Variants in NDUFB4 observed in about 807,000 individuals in gnomAD.
NDUFB4 encodes NADH dehydrogenase [ubiquinone] 1 beta subcomplex subunit 4.
A neutral mutation model predicts 14.5 loss-of-function variants in NDUFB4; 10 were observed. That is an observed-to-expected ratio of 0.69 (90% CI 0.43 to 1.17). The LOEUF is 1.17. NDUFB4 is among the 50% of genes most tolerant of loss of function. The pLI is 0.00. For synonymous variants in NDUFB4, 65 were observed against 63.4 expected, an observed-to-expected ratio of 1.03 and a Z score of -0.12; for missense variants, 165 against 161.1, an observed-to-expected ratio of 1.02 and a Z score of -0.13.
At chr3:120,596,768 C>A in intron 1 of NDUFB4, 1 of 547,826 alleles carries the variant, frequency 1.8e-6, no homozygotes. Flanking sequence ...CACTTCCTGC[C>A]TGCGTGACCT....
In NDUFB4 at chr3:120,602,298, C is replaced by T; in HGVS notation, c.*28C>T. On this transcript the variant is annotated 3_prime_UTR_variant, in exon 3 of 3. Coordinates refer to ENST00000184266, the MANE Select transcript of NDUFB4 (RefSeq NM_004547.6). ...CTGGCAATGATGACTATATGTATTC[C>T]TGCCTAAATAAATCATCTATTAATC... 1 of 1,542,190 alleles carries T rather than the reference C, an allele frequency of 6.5e-7. No individual in the cohort carries two copies. The highest frequency in any genetic ancestry group is 8.9e-7 in the Non-Finnish European group (1 of 1,128,596).
At chr3:120,601,512 G>A in intron 2 of NDUFB4, 1 of 1,338,902 alleles carries the variant, frequency 7.5e-7, no homozygotes, top group South Asian at 2.0e-5. Flanking sequence ...TTAAGTATTA[G>A]CAGAATACAT....
rs766200127 is a variant in NDUFB4, at chr3:120,601,155, T to C, written c.225T>C (p.Asn75=). ...GTTGGGCCTATGCAAGAACAATAAA[T>C]GTCTATCCTAATTTCAGACCCACTC... The part of the protein sequence containing the change: ...LLRWAYARTI[N]VYPNFRPTPK... Residue 75 remains asparagine (N), a synonymous_variant, in exon 2 of 3, where the codon AAT becomes AAC. Coordinates refer to ENST00000184266, the MANE Select transcript of NDUFB4 (RefSeq NM_004547.6). The C allele has an allele frequency of 1.9e-6, 3 of 1,614,046 alleles. No individual in the cohort carries two copies. Among genetic ancestry groups the C allele is most frequent in the Non-Finnish European group, 2.5e-6 (3 of 1,179,998 alleles).
At chr3:120,598,065 T>TTTTTTTTA (rs1939995860) in intron 1 of NDUFB4, among the ~76,000 whole-genome samples, 1 of 151,006 alleles carries the variant, frequency 6.6e-6, no homozygotes. Flanking sequence ...TTTTTTTTTT[T>TTTTTTTTA]CCCTTGAGAC....
Position 120,596,377 on chromosome 3 carries a change from T to C in NDUFB4, c.18T>C (p.Tyr6=). 2 of 1,614,176 alleles carry C rather than the reference T, an allele frequency of 1.2e-6. No homozygotes were observed. The highest frequency in any genetic ancestry group is 1.6e-4 in the Middle Eastern group (1 of 6,062). MSFPK[Y]KPSSLRTLPE... Reference sequence around the variant, plus strand: ...TCGCCAAGATGTCGTTCCCAAAGTATAAGCCGTCGAGCCTGCGCACTCTGC... The same window carrying C: ...TCGCCAAGATGTCGTTCCCAAAGTACAAGCCGTCGAGCCTGCGCACTCTGC... The change falls in exon 1 of 3, where the codon TAT becomes TAC. Residue 6 remains tyrosine, a synonymous_variant. Coordinates refer to ENST00000184266, the MANE Select transcript of NDUFB4 (RefSeq NM_004547.6).
intron 1 of NDUFB4, 121 bp from the exon 2 acceptor site, chr3:120,600,990 A>G: frequency 1.3e-6 from 1 of 786,880 alleles, no homozygotes; most frequent in Non-Finnish European, 2.1e-6. Context: ...TATTCATGAT[A>G]TACCCTTAAC....
At chr3:120,600,075 T>A (rs1940031086) in intron 1 of NDUFB4, among the ~76,000 whole-genome samples, 1 of 144,890 alleles carries the variant, frequency 6.9e-6, no homozygotes, top group Non-Finnish European at 1.5e-5. Flanking sequence ...AATTTCAGTC[T>A]GATTAAAAGG....
chr3:120,601,945 A>G (rs1307369694), intron 2 of NDUFB4: 2 of 1,211,574 alleles, frequency 1.7e-6, no homozygotes, highest in Non-Finnish European at 2.1e-6. Context: ...TCTAATGACT[A>G]AAATGTGAGT....
chr3:120,601,836 T>C (rs1425650672), intron 2 of NDUFB4: 1 of 1,030,802 alleles, frequency 9.7e-7, no homozygotes, highest in Admixed American at 5.5e-5. Flanking sequence ...GTATTTTGAT[T>C]ATCTGGTGAA....
At chr3:120,602,116 T>G in intron 2 of NDUFB4, 92 bp from the exon 3 acceptor site, 1 of 1,539,282 alleles carries the variant, frequency 6.5e-7, no homozygotes, top group East Asian at 2.4e-5. Flanking sequence ...AAAATGCAGT[T>G]TTTCTTACCT....
Position 120,602,280 on chromosome 3 carries a change from T to G in NDUFB4, c.*10T>G. The G allele has an allele frequency of 6.3e-7, 1 of 1,596,806 alleles. No individual in the cohort carries two copies. On this transcript the variant is annotated 3_prime_UTR_variant, in exon 3 of 3. Coordinates refer to ENST00000184266, the MANE Select transcript of NDUFB4 (RefSeq NM_004547.6). ...TCACCTCTCATATTAAGTCTGGCAA[T>G]GATGACTATATGTATTCCTGCCTAA...
At chr3:120,597,147 A>T (rs1294726371) in intron 1 of NDUFB4, among the ~76,000 whole-genome samples, 1 of 151,104 alleles carries the variant, frequency 6.6e-6, no homozygotes, top group East Asian at 1.9e-4. Flanking sequence ...CTCTCTCCTG[A>T]TGGGAATACA....
rs558438682 is a variant in NDUFB4 at position 120,600,874 on chromosome 3, A to G, written c.181-237A>G. 1.0e-4 allele frequency: 47 copies of G among 467,570 alleles called. 1 individual carries two copies. The South Asian group carries it at 1.4e-3, about 14-fold the overall frequency. 29.0% of individuals were successfully genotyped at this position (467,570 alleles called of 1,614,324 possible). A position where few individuals can be genotyped will look rare whatever the true frequency, so the allele number is the denominator to read the frequency against. On this transcript the variant is annotated intron_variant, in intron 1 of 2. Coordinates refer to ENST00000184266, the MANE Select transcript of NDUFB4 (RefSeq NM_004547.6). ...GATTAGGATTCTTAAATAAACAGAAAGCTAATTAGTGATATGAGCCTTCTA... is the reference window on the plus strand; with the variant it reads ...GATTAGGATTCTTAAATAAACAGAAGGCTAATTAGTGATATGAGCCTTCTA...
In NDUFB4 at chr3:120,596,492, C is replaced by T. The variant is rs757896006; in HGVS notation, c.133C>T (p.Arg45Ter). The T allele has an allele frequency of 2.5e-6, 4 of 1,614,020 alleles. No homozygotes were observed. Among genetic ancestry groups the T allele is most frequent in the Non-Finnish European group, 2.5e-6 (3 of 1,179,948 alleles). ...ERLAIRAQLK[R>*]EYLLQYNDPN... ...GTTGGCCATAAGAGCCCAGCTGAAA[C>T]GAGAGTACCTGCTTCAGTACAACGA... The change falls in exon 1 of 3, where the codon CGA becomes TGA. Residue 45 changes from arginine to a stop codon, truncating the protein, a stop_gained. Coordinates refer to ENST00000184266, the MANE Select transcript of NDUFB4 (RefSeq NM_004547.6). LOFTEE classifies it high-confidence loss of function.
intron 1 of NDUFB4, 27 bp downstream of exon 1, chr3:120,596,566 A>C: frequency 6.2e-7 from 1 of 1,608,692 alleles, no homozygotes; most frequent in Non-Finnish European, 8.5e-7. Context: ...CCAGGCGGGA[A>C]TAGGGCCCGA....
chr3:120,601,388 C>T, intron 2 of NDUFB4, 131 bp downstream of exon 2: 1 of 1,505,742 alleles, frequency 6.6e-7, no homozygotes, highest in Non-Finnish European at 8.8e-7. Context: ...CCTTCCCTTC[C>T]TCTCTTCTTT....
intron 1 of NDUFB4, 56 bp downstream of exon 1, chr3:120,596,595 A>G: frequency 6.4e-7 from 1 of 1,571,386 alleles, no homozygotes; most frequent in Non-Finnish European, 8.7e-7. Context: ...AGAGACCGAG[A>G]GAGACCACGC....
At chr3:120,598,193 C>CAG (rs1939999525) in intron 1 of NDUFB4, among the ~76,000 whole-genome samples, 1 of 151,972 alleles carries the variant, frequency 6.6e-6, no homozygotes, top group South Asian at 2.1e-4. Context: ...GCTGGGACCA[C>CAG]AGATGTGCGC....
At chr3:120,597,290 GT>G (rs1241786672) in intron 1 of NDUFB4, among the ~76,000 whole-genome samples, 1 of 151,832 alleles carries the variant, frequency 6.6e-6, no homozygotes, top group Non-Finnish European at 1.5e-5. Flanking sequence ...CTGAATTATA[GT>G]TTCCTGGTTT....
Sources: allele counts gnomAD v4.1 joint callset (sites outside exome capture counted in the v4.1 genomes callset), GRCh38; gene constraint gnomAD v4.1.1; transcripts MANE v1.5; gene names NCBI Gene and HGNC (gene_info 2026-07-23, HGNC 2026-07-21).